Variants in COL6A6 observed in about 807,000 individuals in gnomAD.
The protein encoded by COL6A6 is collagen alpha-6(VI) chain.
A neutral mutation model predicts 208.6 loss-of-function variants in COL6A6; 183 were observed. The observed-to-expected ratio is 0.88, with a 90% CI of 0.78 to 0.99. COL6A6 has a LOEUF of 0.99. Ranked by LOEUF, COL6A6 falls within the 50% of genes least tolerant of loss-of-function variation. The probability of loss-of-function intolerance (pLI) is 0.00; values close to 1 mark genes in which losing one functional copy is unlikely to be tolerated. For synonymous variants in COL6A6, 973 were observed against 1,011.8 expected, an observed-to-expected ratio of 0.96 and a Z score of 0.73; for missense variants, 2,816 against 2,815.2, an observed-to-expected ratio of 1.00 and a Z score of -0.01.
intron 8 of COL6A6, among the ~76,000 whole-genome samples, chr3:130,578,895 A>G (rs995553576): frequency 1.3e-5 from 2 of 152,234 alleles, no homozygotes; most frequent in African/African-American, 4.8e-5. Context: ...TTCCACGGTT[A>G]GCAGACTAAG....
chr3:130,599,937 T>G lies in COL6A6; in HGVS notation c.4653+127T>G, dbSNP rs551282310. On this transcript the variant is annotated intron_variant, in intron 20 of 36. Transcript: ENST00000358511. ...TCACTACCTTGAGGAAACTAACTTA[T>G]GACATCTCGCAGACCAGGGCTGGCA... is the stretch of plus-strand genomic sequence containing the variant. 7.7e-5 allele frequency: 64 copies of G among 831,118 alleles called. No individual in the cohort carries two copies. The African/African-American group carries it at 9.6e-4, about 13-fold the overall frequency. 51.5% of individuals were successfully genotyped at this position (831,118 alleles called of 1,614,324 possible).
intron 24 of COL6A6, 63 bp downstream of exon 24, chr3:130,621,946 T>C: frequency 2.2e-6 from 3 of 1,388,370 alleles, no homozygotes; most frequent in Non-Finnish European, 3.1e-6. Flanking sequence ...CTGTGTCTAA[T>C]TGTATTAGCC....
At position 130,634,723 on chromosome 3, in the gene COL6A6, A is replaced by T. The variant is rs572820349; in HGVS notation, c.5028+98A>T. ...AGTAGAAGAACAGTTAATGATAAAT[A>T]AATGTCCTACCTTTGTGCGGAGAAG... On this transcript the variant is annotated intron_variant, in intron 27 of 36. Transcript: ENST00000358511. The T allele has an allele frequency of 1.4e-4, 121 of 858,078 alleles. 2 individuals carry two copies. In the South Asian group the frequency reaches 2.0e-3, roughly 14 times the overall value. The allele number at this position is 858,078 out of a possible 1,614,324, so 53.2% of individuals were successfully genotyped here. A position where few individuals can be genotyped will look rare whatever the true frequency, so the allele number is the denominator to read the frequency against.
intron 31 of COL6A6, among the ~76,000 whole-genome samples, chr3:130,643,607 A>G (rs1395874456): frequency 2.0e-5 from 3 of 152,198 alleles, no homozygotes; most frequent in Non-Finnish European, 4.4e-5. Context: ...TGCTGATTAG[A>G]ATTTGTTTTA....
rs1559992862 is a variant in COL6A6, at chr3:130,563,383, A to C, written c.380A>C (p.Asp127Ala). 6.2e-7 allele frequency: 1 copy of C among 1,614,038 alleles called. No homozygotes were observed. The highest frequency in any genetic ancestry group is 2.2e-5 in the East Asian group (1 of 44,876). ...TTCTCTGCACCCGCAAATGGGAGAG[A>C]CAAGAAACAGTTTCCCCCAATTCTA... Reference protein sequence around the residue: ...TYFSAPANGRDKKQFPPILVV... With the variant: ...TYFSAPANGRAKKQFPPILVV... The change falls in exon 3 of 37, where the codon GAC becomes GCC. Residue 127 changes from aspartate to alanine, a missense_variant. Physicochemically the swap from Asp to Ala is moderately radical, Grantham distance 126. Coordinates refer to ENST00000358511, the MANE Select transcript of COL6A6 (RefSeq NM_001102608.3).
At chr3:130,520,736 G>T (rs1412418767) in intron 1 of COL6A6, among the ~76,000 whole-genome samples, 1 of 152,070 alleles carries the variant, frequency 6.6e-6, no homozygotes, top group South Asian at 2.1e-4. Context: ...GAAAAATCTC[G>T]GGACAAGATA....
intron 10 of COL6A6, 137 bp downstream of exon 10, chr3:130,582,205 A>G (rs1197235631): frequency 1.6e-6 from 1 of 613,534 alleles, no homozygotes; most frequent in Non-Finnish European, 2.8e-6. Flanking sequence ...TGTATGTACT[A>G]GGCAGAACAA....
At chr3:130,539,966 A>G (rs984912942) in intron 1 of COL6A6, among the ~76,000 whole-genome samples, 1 of 152,230 alleles carries the variant, frequency 6.6e-6, no homozygotes, top group Admixed American at 6.5e-5. Flanking sequence ...GTTAATTCTA[A>G]CCCACAGTTC....
intron 29 of COL6A6, among the ~76,000 whole-genome samples, chr3:130,641,952 C>G (rs2065323376): frequency 6.6e-6 from 1 of 152,056 alleles, no homozygotes; most frequent in Admixed American, 6.5e-5. Context: ...AGTACTTAAA[C>G]TAAAATGGTA....
intron 36 of COL6A6, among the ~76,000 whole-genome samples, chr3:130,669,835 CAA>C (rs1488531669): frequency 6.6e-6 from 1 of 151,824 alleles, no homozygotes; most frequent in African/African-American, 2.4e-5. Flanking sequence ...TAAGTGAAAT[CAA>C]ATGGGAGTGT....
intron 27 of COL6A6, among the ~76,000 whole-genome samples, chr3:130,635,212 G>A (rs564735797): frequency 6.6e-6 from 1 of 151,992 alleles, no homozygotes; most frequent in African/African-American, 2.4e-5. Context: ...TCCAGCTTGG[G>A]TGACACAGTG....
At chr3:130,646,352 A>T (rs2065460969) in intron 32 of COL6A6, 1 of 152,342 alleles carries the variant, frequency 6.6e-6, no homozygotes, top group Admixed American at 6.5e-5. Flanking sequence ...AGGCAGGCAG[A>T]TCACGAGGTC....
At chr3:130,524,377 G>A (rs1267866935) in intron 1 of COL6A6, among the ~76,000 whole-genome samples, 5 of 152,226 alleles carry the variant, frequency 3.3e-5, no homozygotes, top group African/African-American at 1.2e-4. Context: ...GGCCAGAGGT[G>A]CCCTGCCCCA....
At chr3:130,557,923 A>G (rs909788714) in intron 1 of COL6A6, among the ~76,000 whole-genome samples, 7 of 152,214 alleles carry the variant, frequency 4.6e-5, no homozygotes, top group African/African-American at 1.7e-4. Flanking sequence ...TTTTAAAAAG[A>G]CCTTTATAGC....
intron 33 of COL6A6, among the ~76,000 whole-genome samples, chr3:130,655,690 T>G (rs2065768360): frequency 6.6e-6 from 1 of 152,196 alleles, no homozygotes. Flanking sequence ...TTAGGCAAGT[T>G]AAATTTTGCA....
chr3:130,590,291 ATATATATATTTTTTTTTTTTTTTTTT>A (rs2063662459), intron 12 of COL6A6, among the ~76,000 whole-genome samples: 2 of 16,548 alleles, frequency 1.2e-4, no homozygotes, highest in East Asian at 1.6e-3. Flanking sequence ...ATATATATAT[ATATATATATTTTTTTTTTTTTTTTTT>A]TTTTTTTTTT....
At position 130,662,143 on chromosome 3, in the gene COL6A6, T is replaced by A; in HGVS notation, c.6337T>A (p.Tyr2113Asn). The A allele has an allele frequency of 6.2e-7, 1 of 1,614,018 alleles. No homozygotes were observed. The highest frequency in any genetic ancestry group is 8.5e-7 in the Non-Finnish European group (1 of 1,179,880). ...KESLRAKCQG[Y>N]ALFVFSLGPI... ...ATCCTTGCGAGCCAAATGTCAGGGA[T>A]ATGCCTTATTTGTGTTTTCCCTTGG... Residue 2113 changes from tyrosine (Y) to asparagine (N), a missense_variant, in exon 35 of 37, where the codon TAT becomes AAT. Tyr to Asn is a moderately radical substitution (Grantham distance 143). Transcript: ENST00000358511.
intron 33 of COL6A6, among the ~76,000 whole-genome samples, chr3:130,649,860 A>G (rs1370616715): frequency 1.3e-5 from 2 of 152,218 alleles, no homozygotes; most frequent in Non-Finnish European, 2.9e-5. Flanking sequence ...TCCCACAGCT[A>G]AGAAATGGCA....
At chr3:130,656,558 GC>G (rs1184353168) in intron 33 of COL6A6, among the ~76,000 whole-genome samples, 1 of 152,226 alleles carries the variant, frequency 6.6e-6, no homozygotes, top group African/African-American at 2.4e-5. Context: ...CCACTGACGG[GC>G]CAGAAAAAGC....
Sources: allele counts gnomAD v4.1 joint callset (sites outside exome capture counted in the v4.1 genomes callset), GRCh38; gene constraint gnomAD v4.1.1; transcripts MANE v1.5; gene names NCBI Gene and HGNC (gene_info 2026-07-23, HGNC 2026-07-21).